The following ZFHX3 variants were observed in gnomAD, a reference collection of about 807,000 sequenced individuals.
ZFHX3 encodes zinc finger homeobox protein 3.
In ZFHX3, 42 loss-of-function variants were observed where a neutral mutation model predicts 279.1. The observed-to-expected ratio is 0.15, with a 90% CI of 0.12 to 0.19. The LOEUF (loss-of-function observed/expected upper bound fraction) is 0.19. Among genes scored for constraint, ZFHX3 ranks in the 10% least tolerant of loss-of-function variants. The probability of loss-of-function intolerance (pLI) is 1.00; values close to 1 mark genes in which losing one functional copy is unlikely to be tolerated. For missense variants in ZFHX3, 4,981 were observed against 4,754.0 expected (o/e 1.05, Z -1.40); for synonymous variants, 2,293 against 1,957.8 (o/e 1.17, Z -4.52).
At chr16:73,751,298 T>A (rs1261774070) in intron 1 of ZFHX3, among the ~76,000 whole-genome samples, 1 of 152,174 alleles carries the variant, frequency 6.6e-6, no homozygotes, top group Non-Finnish European at 1.5e-5. Flanking sequence ...GTACAATGTT[T>A]TGAATAGATA....
intron 3 of ZFHX3, among the ~76,000 whole-genome samples, chr16:72,936,969 G>GT (rs2144325974): frequency 6.6e-6 from 1 of 152,264 alleles, no homozygotes; most frequent in African/African-American, 2.4e-5. Context: ...CTTGCTGATG[G>GT]TTTGGCTGTA....
In ZFHX3 at chr16:72,996,739, G is replaced by A. The variant is rs117003867; in HGVS notation, c.-49-36545C>T. On this transcript the variant is annotated intron_variant, in intron 1 of 9. Transcript: ENST00000268489. ...TTTCACCTGGTAAACCTAAGCTGCT[G>A]GATGCTAAGGACTGTTTCTGGCCAC... Among the ~76,000 whole-genome samples, 959 of 152,340 alleles carry A rather than the reference G, an allele frequency of 6.3e-3. 5 individuals carry two copies. The highest frequency in any genetic ancestry group is 0.01 in the Non-Finnish European group (683 of 68,034).
rs966708564 is a variant in ZFHX3 at position 73,211,670 on chromosome 16, GTT to G, written c.-1104+45375_-1104+45376del. 1.6e-3 allele frequency among the ~76,000 whole-genome samples: 231 copies of G among 143,280 alleles called. 4 individuals are homozygous for G. The highest frequency in any genetic ancestry group is 7.4e-3 in the Middle Eastern group (2 of 272). 94.0% of individuals were successfully genotyped at this position (143,280 alleles called of 152,430 possible). A position where few individuals can be genotyped will look rare whatever the true frequency, so the allele number is the denominator to read the frequency against. On this transcript the variant is annotated intron_variant, in intron 5 of 17. Transcript: ENST00000641206. Reference sequence around the variant, plus strand: ...TGTATTTAAATCCCAAAGAATCTATGTTTTTTTTTTTTTAACCAATCAAGTTT... The same window carrying G: ...TGTATTTAAATCCCAAAGAATCTATGTTTTTTTTTTTAACCAATCAAGTTT...
chr16:72,931,984 C>T (rs1347302017), intron 3 of ZFHX3, among the ~76,000 whole-genome samples: 10 of 152,206 alleles, frequency 6.6e-5, no homozygotes, highest in Admixed American at 5.2e-4. Context: ...GTTTTTCCAT[C>T]TTTGTCCTCT....
At chr16:73,027,934 A>G (rs1398095855) in intron 1 of ZFHX3, among the ~76,000 whole-genome samples, 1 of 152,036 alleles carries the variant, frequency 6.6e-6, no homozygotes, top group African/African-American at 2.4e-5. Flanking sequence ...AGCACTGCAG[A>G]GAGAGGCTGC....
intron 5 of ZFHX3, chr16:73,232,593 C>T (rs1046692937): frequency 6.6e-6 from 1 of 152,178 alleles, no homozygotes; most frequent in African/African-American, 2.4e-5. Flanking sequence ...GGAGGAAACC[C>T]CCATCTTGGG....
chr16:73,754,467 G>A (rs12447239), intron 1 of ZFHX3, among the ~76,000 whole-genome samples: 18,060 of 151,918 alleles, frequency 0.12, 1,083 homozygotes, highest in South Asian at 0.13. Context: ...TGGTACCCCC[G>A]AGAATCATGG....
chr16:73,261,536 T>G (rs1434008579), intron 4 of ZFHX3, among the ~76,000 whole-genome samples: 2 of 152,154 alleles, frequency 1.3e-5, no homozygotes, highest in Non-Finnish European at 2.9e-5. Flanking sequence ...AAGCATTATT[T>G]TAACCTAAGG....
At chr16:73,175,244 G>T (rs1477038009) in intron 5 of ZFHX3, among the ~76,000 whole-genome samples, 2 of 152,074 alleles carry the variant, frequency 1.3e-5, no homozygotes, top group Non-Finnish European at 2.9e-5. Context: ...GCTGGGCATA[G>T]TGGCTCATGC....
rs561407713 is a variant in ZFHX3, at chr16:73,025,471, G to C, written c.-50+22281C>G. ...GTTAAGTGTTTCCCCGTATTGTGGA[G>C]CCCTCACGGACTCGATACAGCAGTA... On this transcript the variant is annotated intron_variant, in intron 1 of 9. Transcript: ENST00000268489. Among the ~76,000 whole-genome samples, 5 of 152,348 alleles carry C rather than the reference G, an allele frequency of 3.3e-5. No individual in the cohort carries two copies. The South Asian group carries it at 8.3e-4, about 25-fold the overall frequency.
At chr16:73,310,954 C>T (rs1371518504) in intron 4 of ZFHX3, among the ~76,000 whole-genome samples, 1 of 152,206 alleles carries the variant, frequency 6.6e-6, no homozygotes, top group Non-Finnish European at 1.5e-5. Context: ...ACACCCCAGC[C>T]AGGTGCAGTG....
chr16:73,147,005 C>T (rs929171049), intron 5 of ZFHX3, among the ~76,000 whole-genome samples: 1 of 152,098 alleles, frequency 6.6e-6, no homozygotes, highest in African/African-American at 2.4e-5. Flanking sequence ...AGTAAAACAT[C>T]CTAGGGAGAA....
At chr16:73,012,947 T>C (rs1478667182) in intron 1 of ZFHX3, among the ~76,000 whole-genome samples, 2 of 152,228 alleles carry the variant, frequency 1.3e-5, no homozygotes, top group Non-Finnish European at 2.9e-5. Context: ...AATGTATCCA[T>C]GCTGGTTCTA....
At chr16:72,910,012 T>C (rs2039279010) in intron 3 of ZFHX3, among the ~76,000 whole-genome samples, 1 of 152,088 alleles carries the variant, frequency 6.6e-6, no homozygotes, top group Non-Finnish European at 1.5e-5. Context: ...TCAGAACAAT[T>C]CAACTTCACT....
At chr16:73,355,092 G>A (rs1293446525) in intron 3 of ZFHX3, among the ~76,000 whole-genome samples, 1 of 152,120 alleles carries the variant, frequency 6.6e-6, no homozygotes, top group East Asian at 1.9e-4. Context: ...TCTCCTAGAG[G>A]TGTGTTCGGG....
At chr16:73,835,921 A>G (rs1961135175) in intron 1 of ZFHX3, among the ~76,000 whole-genome samples, 1 of 152,090 alleles carries the variant, frequency 6.6e-6, no homozygotes, top group South Asian at 2.1e-4. Context: ...CTTTTTCCAC[A>G]TCCTGGCTAG....
intron 2 of ZFHX3, among the ~76,000 whole-genome samples, chr16:73,615,622 T>A (rs1415070772): frequency 6.6e-6 from 1 of 152,158 alleles, no homozygotes; most frequent in Non-Finnish European, 1.5e-5. Flanking sequence ...TCGGAAGATA[T>A]AACTAAAACA....
intron 1 of ZFHX3, among the ~76,000 whole-genome samples, chr16:73,686,543 T>TAA (rs2053086272): frequency 6.6e-6 from 1 of 152,226 alleles, no homozygotes; most frequent in Non-Finnish European, 1.5e-5. Flanking sequence ...CTCTGAATGT[T>TAA]AAGGAAACTC....
chr16:73,108,254 G>T (rs917180531), intron 7 of ZFHX3, among the ~76,000 whole-genome samples: 1 of 151,762 alleles, frequency 6.6e-6, no homozygotes, highest in Non-Finnish European at 1.5e-5. Context: ...GGATTGCTTG[G>T]GCCTGGGAGG....
Sources: allele counts gnomAD v4.1 joint callset (sites outside exome capture counted in the v4.1 genomes callset), GRCh38; gene constraint gnomAD v4.1.1; transcripts MANE v1.5; gene names NCBI Gene and HGNC (gene_info 2026-07-23, HGNC 2026-07-21).